The following UCHL3 variants were observed in gnomAD, a reference collection of about 807,000 sequenced individuals.
UCHL3 encodes ubiquitin C-terminal hydrolase L3.
UCHL3 carries 22 observed loss-of-function variants against 35.8 expected under a neutral mutation model. The ratio of observed to expected loss-of-function variants is 0.61; its 90% CI spans 0.44 to 0.88. The LOEUF is 0.88. Among genes scored for constraint, UCHL3 ranks in the 40% least tolerant of loss-of-function variants. UCHL3 has a pLI of 0.00. For missense variants in UCHL3, 229 were observed against 276.9 expected (o/e 0.83, Z 1.23); for synonymous variants, 90 against 92.8 (o/e 0.97, Z 0.17).
intron 6 of UCHL3, among the ~76,000 whole-genome samples, chr13:75,589,186 A>G (rs552325646): frequency 5.5e-4 from 84 of 152,264 alleles, no homozygotes; most frequent in Non-Finnish European, 7.2e-4. Context: ...ACCTACTGGC[A>G]ATGTGACCTT....
intron 2 of UCHL3, among the ~76,000 whole-genome samples, chr13:75,558,819 GAC>G (rs1375920452): frequency 1.3e-5 from 2 of 152,220 alleles, no homozygotes; most frequent in Non-Finnish European, 2.9e-5. Flanking sequence ...CATTGAATAA[GAC>G]ACAGTTTTTT....
chr13:75,592,455 T>TATATATGTATATATGTATATATATAC (rs2032532036), intron 6 of UCHL3, among the ~76,000 whole-genome samples: 1 of 109,566 alleles, frequency 9.1e-6, no homozygotes, highest in Non-Finnish European at 2.0e-5. Flanking sequence ...TATATATATA[T>TATATATGTATATATGTATATATATAC]ATATATATAT....
intron 6 of UCHL3, among the ~76,000 whole-genome samples, chr13:75,582,865 C>T (rs181952301): frequency 6.5e-4 from 99 of 152,240 alleles, no homozygotes; most frequent in Admixed American, 1.0e-3. Flanking sequence ...TTTACGTTTC[C>T]ATAATAGCAC....
At chr13:75,559,502 C>A (rs1486279715) in intron 2 of UCHL3, among the ~76,000 whole-genome samples, 1 of 152,134 alleles carries the variant, frequency 6.6e-6, no homozygotes, top group Non-Finnish European at 1.5e-5. Context: ...AGTAGATTAT[C>A]TTCTACAAGC....
At position 75,605,909 on chromosome 13, in the gene UCHL3, A is replaced by G. The variant is rs1175553296; in HGVS notation, c.*97A>G. 56 of 1,192,336 alleles carry G rather than the reference A, an allele frequency of 4.7e-5. 1 individual carries two copies. Among genetic ancestry groups the G allele is most frequent in the Non-Finnish European group, 1.2e-6 (1 of 822,048 alleles). The allele number at this position is 1,192,336 out of a possible 1,614,324, so 73.9% of individuals were successfully genotyped here. ...AAATTTTGATATTTTCATTAACTTG[A>G]TGATTAAACTTTATGTGAGTTAAAC... On this transcript the variant is annotated 3_prime_UTR_variant, in exon 9 of 9. Transcript: ENST00000377595.
chr13:75,566,697 T>C lies in UCHL3; in HGVS notation c.186T>C (p.Tyr62=). 6.6e-7 allele frequency: 1 copy of C among 1,519,656 alleles called. No homozygotes were observed. Among genetic ancestry groups the C allele is most frequent in the Non-Finnish European group, 8.8e-7 (1 of 1,131,656 alleles). 94.1% of individuals were successfully genotyped at this position (1,519,656 alleles called of 1,614,324 possible). ...VLLLFPITEK[Y]EVFRTEEEEK... is the part of the protein sequence containing the mutation. ...TGTTGACTTTTTTTTTTTAATAGTA[T>C]GAAGTATTCAGAACAGAAGAGGAAG... Residue 62 remains tyrosine (Y), a splice_region_variant and synonymous_variant, in exon 4 of 9, where the codon TAT becomes TAC. Transcript: ENST00000377595.
At position 75,567,235 on chromosome 13, in the gene UCHL3, T is replaced by C. The variant is rs757903004; in HGVS notation, c.349T>C (p.Ser117Pro). ...TTCTTTCATATTCTCAGAATCTGGA[T>C]CAACCTTGAAAAAATTCCTGGAGGA... ...NKDKMHFESG[S>P]TLKKFLEESV... The change falls in exon 5 of 9, where the codon TCA becomes CCA. Residue 117 changes from serine (S) to proline (P), a missense_variant. By Grantham distance (74) the Ser-to-Pro change is moderately conservative. Transcript: ENST00000377595. 1 of 1,614,084 alleles carries C rather than the reference T, an allele frequency of 6.2e-7. No individual in the cohort carries two copies. Among genetic ancestry groups the C allele is most frequent in the Non-Finnish European group, 8.5e-7 (1 of 1,179,976 alleles).
chr13:75,584,696 C>T (rs924900593), intron 6 of UCHL3, among the ~76,000 whole-genome samples: 5 of 151,946 alleles, frequency 3.3e-5, no homozygotes, highest in African/African-American at 1.2e-4. Context: ...ATTAAATGCT[C>T]AAGTGGAAAA....
chr13:75,570,360 C>T (rs762693275), intron 6 of UCHL3, among the ~76,000 whole-genome samples: 21 of 152,070 alleles, frequency 1.4e-4, no homozygotes, highest in Non-Finnish European at 2.8e-4. Flanking sequence ...CTCAGCCTCC[C>T]GAGTCGCTGG....
intron 2 of UCHL3, among the ~76,000 whole-genome samples, chr13:75,551,346 G>T (rs193285787): frequency 6.6e-6 from 1 of 151,630 alleles, no homozygotes; most frequent in African/African-American, 2.4e-5. Context: ...CAGGAGAATC[G>T]CTTGAACCCG....
intron 8 of UCHL3, chr13:75,605,058 A>G (rs549723457): frequency 2.4e-4 from 87 of 367,692 alleles, no homozygotes; most frequent in Admixed American, 1.3e-3. Flanking sequence ...AATAGTATTG[A>G]AAGACTTGCT....
At chr13:75,601,762 A>G (rs2032786116) in intron 7 of UCHL3, among the ~76,000 whole-genome samples, 2 of 152,254 alleles carry the variant, frequency 1.3e-5, no homozygotes, top group African/African-American at 4.8e-5. Flanking sequence ...ATTTTTTAGA[A>G]GTTTTAATTT....
intron 6 of UCHL3, among the ~76,000 whole-genome samples, chr13:75,581,249 C>T (rs1033532403): frequency 6.6e-6 from 1 of 151,956 alleles, no homozygotes; most frequent in Admixed American, 6.6e-5. Context: ...TGAGAAAATG[C>T]TTTGGCTGTA....
chr13:75,582,459 A>G (rs1455779555), intron 6 of UCHL3, among the ~76,000 whole-genome samples: 1 of 152,230 alleles, frequency 6.6e-6, no homozygotes, highest in Non-Finnish European at 1.5e-5. Context: ...GTGAGGGCAC[A>G]GGTTCACTGT....
At chr13:75,554,665 A>T (rs1260423538) in intron 2 of UCHL3, among the ~76,000 whole-genome samples, 1 of 152,232 alleles carries the variant, frequency 6.6e-6, no homozygotes, top group Non-Finnish European at 1.5e-5. Context: ...AGTGGCCTTA[A>T]ATAAATGAGA....
chr13:75,551,621 C>T (rs1199617056), intron 2 of UCHL3, among the ~76,000 whole-genome samples: 1 of 152,056 alleles, frequency 6.6e-6, no homozygotes, highest in Admixed American at 6.5e-5. Flanking sequence ...TGACCAAGAG[C>T]AGTTTATCCT....
chr13:75,566,686 T>A lies in UCHL3; in HGVS notation c.184-9T>A. On this transcript the variant is annotated splice_polypyrimidine_tract_variant and intron_variant, in intron 3 of 8. Transcript: ENST00000377595. ...CACAAATACACTGTTGACTTTTTTT[T>A]TTTAATAGTATGAAGTATTCAGAAC... The A allele has an allele frequency of 6.9e-7, 1 of 1,451,338 alleles. No individual in the cohort carries two copies. Among genetic ancestry groups the A allele is most frequent in the Non-Finnish European group, 9.2e-7 (1 of 1,092,590 alleles). The allele number at this position is 1,451,338 out of a possible 1,614,324, so 89.9% of individuals were successfully genotyped here.
intron 6 of UCHL3, among the ~76,000 whole-genome samples, chr13:75,593,637 G>C (rs1374003531): frequency 6.6e-6 from 1 of 152,160 alleles, no homozygotes; most frequent in Non-Finnish European, 1.5e-5. Flanking sequence ...GCTAACACCT[G>C]TGGAATTCTG....
At chr13:75,561,311 C>A (rs182916854) in intron 3 of UCHL3, among the ~76,000 whole-genome samples, 128 of 152,226 alleles carry the variant, frequency 8.4e-4, no homozygotes, top group African/African-American at 2.6e-3. Flanking sequence ...CCCCTTCTTG[C>A]ATAAAATTAG....
Sources: allele counts gnomAD v4.1 joint callset (sites outside exome capture counted in the v4.1 genomes callset), GRCh38; gene constraint gnomAD v4.1.1; transcripts MANE v1.5; gene names NCBI Gene and HGNC (gene_info 2026-07-23, HGNC 2026-07-21).